Variants in ARHGEF9 observed in about 807,000 individuals in gnomAD.
ARHGEF9 encodes the protein rho guanine nucleotide exchange factor 9.
ARHGEF9 carries 2 observed loss-of-function variants against 41.3 expected under a neutral mutation model. The observed-to-expected ratio is 0.05, with a 90% confidence interval of 0.02 to 0.15. The LOEUF (loss-of-function observed/expected upper bound fraction) is 0.15, where lower values mean the gene tolerates loss of function less well. Among genes scored for constraint, ARHGEF9 ranks in the 10% least tolerant of loss-of-function variants. The pLI is 1.00. For synonymous variants in ARHGEF9, 160 were observed against 154.4 expected (o/e 1.04, Z -0.27); for missense variants, 225 against 424.7 (o/e 0.53, Z 4.13).
intron 1 of ARHGEF9, among the ~76,000 whole-genome samples, chrX:63,729,177 G>A (rs1556418867): frequency 9.0e-6 from 1 of 111,446 alleles, no homozygotes; most frequent in African/African-American, 3.3e-5. Flanking sequence ...TTAAATATGG[G>A]GGGCCAGCAG....
chrX:63,684,114 T>C (rs2050828554), intron 4 of ARHGEF9, among the ~76,000 whole-genome samples: 1 of 109,987 alleles, frequency 9.1e-6, no homozygotes, highest in Admixed American at 9.7e-5. Context: ...ATAAAATATA[T>C]AAAGTGGTTA....
intron 1 of ARHGEF9, among the ~76,000 whole-genome samples, chrX:63,743,690 C>T (rs1556429622): frequency 8.9e-6 from 1 of 111,886 alleles, no homozygotes; most frequent in African/African-American, 3.3e-5. Context: ...GATCTAGGGG[C>T]CAAGAATTGT....
intron 1 of ARHGEF9, among the ~76,000 whole-genome samples, chrX:63,728,001 C>T (rs782603694): frequency 4.5e-5 from 5 of 111,550 alleles, no homozygotes; most frequent in African/African-American, 1.6e-4. Context: ...GGGGATAATT[C>T]TACTCTACCA....
At position 63,665,831 on chromosome X, in the gene ARHGEF9, G is replaced by A. The variant is rs1556347092; in HGVS notation, c.1077+55C>T. Reference sequence around the variant, plus strand: ...GAGCCTGGGGATGATGAAGAGGAGGGTCCGGTACCCTGTTAGGTACCCATC... The same window carrying A: ...GAGCCTGGGGATGATGAAGAGGAGGATCCGGTACCCTGTTAGGTACCCATC... On this transcript the variant is annotated intron_variant, in intron 7 of 9. Transcript: ENST00000671741. 3.4e-6 allele frequency: 4 copies of A among 1,188,174 alleles called. No homozygotes were observed. In the East Asian group the frequency reaches 1.2e-4, roughly 36 times the overall value.
intron 7 of ARHGEF9, chrX:63,656,632 C>A (rs1556336463): frequency 9.0e-6 from 1 of 111,596 alleles, no homozygotes; most frequent in Non-Finnish European, 1.9e-5. Context: ...TATAGTTTTA[C>A]CTCATCTGTA....
intron 2 of ARHGEF9, chrX:63,713,223 G>A (rs1556407979): frequency 9.0e-6 from 1 of 111,346 alleles, no homozygotes; most frequent in African/African-American, 3.3e-5. Flanking sequence ...TTGAGAAGGT[G>A]AGGGGTTATT....
At chrX:63,696,289 T>G (rs2051743540) in intron 4 of ARHGEF9, among the ~76,000 whole-genome samples, 1 of 111,878 alleles carries the variant, frequency 8.9e-6, no homozygotes, top group African/African-American at 3.3e-5. Flanking sequence ...TCTTTAAAAA[T>G]AAATACTTTA....
At chrX:63,688,654 C>T (rs1379521587) in intron 4 of ARHGEF9, among the ~76,000 whole-genome samples, 1 of 111,815 alleles carries the variant, frequency 8.9e-6, no homozygotes, top group Non-Finnish European at 1.9e-5. Context: ...CCTATAATCC[C>T]ACCTACTCAG....
intron 1 of ARHGEF9, among the ~76,000 whole-genome samples, chrX:63,772,467 G>A (rs781952060): frequency 2.7e-5 from 3 of 111,741 alleles, no homozygotes; most frequent in Non-Finnish European, 5.6e-5. Context: ...TGCTTGCCAT[G>A]TGCCTAGTAC....
At chrX:63,639,410 A>G (rs1433275908) in intron 9 of ARHGEF9, 1 of 112,016 alleles carries the variant, frequency 8.9e-6, no homozygotes, top group East Asian at 2.8e-4. Flanking sequence ...ACAGATTCAC[A>G]TGCAGTTTTA....
In ARHGEF9 at chrX:63,635,353, C is replaced by A. The variant is rs2047267134; in HGVS notation, c.*2675G>T. ...CCCACAGCAGGTCCCATTGAACACA[C>A]TAGCAAAGCCTTTTGGAGAGCAAAT... On this transcript the variant is annotated 3_prime_UTR_variant, in exon 10 of 10. Coordinates refer to ENST00000671741, the MANE Select transcript of ARHGEF9 (RefSeq NM_001353921.2). 3.8e-6 allele frequency: 2 copies of A among 521,729 alleles called. No homozygotes were observed. The highest frequency in any genetic ancestry group is 5.0e-5 in the South Asian group (2 of 39,604). 43.0% of individuals were successfully genotyped at this position (521,729 alleles called of 1,213,427 possible). A position where few individuals can be genotyped will look rare whatever the true frequency, so the allele number is the denominator to read the frequency against.
intron 2 of ARHGEF9, among the ~76,000 whole-genome samples, chrX:63,709,822 T>C: frequency 8.9e-6 from 1 of 111,827 alleles, no homozygotes; most frequent in East Asian, 2.8e-4. Context: ...AACATAGAAA[T>C]ACTATAGTCC....
At chrX:63,701,861 C>A (rs1223855261) in intron 3 of ARHGEF9, among the ~76,000 whole-genome samples, 3 of 111,744 alleles carry the variant, frequency 2.7e-5, no homozygotes, top group Admixed American at 9.5e-5. Context: ...CAGGCAGAAA[C>A]CCCTGGGCTT....
intron 8 of ARHGEF9, among the ~76,000 whole-genome samples, chrX:63,650,931 T>C (rs1164726791): frequency 1.8e-5 from 2 of 110,811 alleles, no homozygotes; most frequent in Non-Finnish European, 3.8e-5. Context: ...TATGTGTAGA[T>C]ATATAGCATT....
At chrX:63,719,562 C>T (rs1375161654) in intron 2 of ARHGEF9, 12 of 290,015 alleles carry the variant, frequency 4.1e-5, no homozygotes, top group Admixed American at 1.2e-4. Context: ...TGTTTTGGAA[C>T]TCTAGAATCT....
At chrX:63,754,910 G>A (rs1329448888) in intron 1 of ARHGEF9, 4 of 938,028 alleles carry the variant, frequency 4.3e-6, no homozygotes, top group Non-Finnish European at 5.3e-6. Context: ...AAAGGGAAAG[G>A]CGGGGGGAAC....
intron 7 of ARHGEF9, among the ~76,000 whole-genome samples, chrX:63,662,278 T>C (rs1363252347): frequency 1.8e-5 from 2 of 112,048 alleles, no homozygotes; most frequent in Non-Finnish European, 3.8e-5. Context: ...CCCAGAATTG[T>C]CTGATTACAA....
In ARHGEF9 at chrX:63,688,344, CAGA is replaced by C. The variant is rs782716209; in HGVS notation, c.582+8778_582+8780del. ...GACAGAAGCTGAGGGAATTCATCAA[CAGA>C]AGATTTGTCTTACATGAACTGCTGA... On this transcript the variant is annotated intron_variant, in intron 4 of 9. Coordinates refer to ENST00000671741, the MANE Select transcript of ARHGEF9 (RefSeq NM_001353921.2). Among the ~76,000 whole-genome samples the C allele has an allele frequency of 5.4e-5, 6 of 111,932 alleles. No individual in the cohort carries two copies. The East Asian group carries it at 1.7e-3, about 31-fold the overall frequency.
chrX:63,707,646 C>T, intron 2 of ARHGEF9, among the ~76,000 whole-genome samples: 1 of 111,357 alleles, frequency 9.0e-6, no homozygotes. Context: ...CCTCCTTAAA[C>T]CCCAGTTTTT....
Sources: gnomAD v4.1 joint callset for allele counts (sites outside exome capture counted in the v4.1 genomes callset) on GRCh38, gnomAD v4.1.1 for gene constraint, MANE v1.5 for transcripts, NCBI Gene and HGNC (gene_info 2026-07-23, HGNC 2026-07-21) for gene names.